The following IFNGR1 variants were observed in gnomAD, a reference collection of about 807,000 sequenced individuals.
The protein encoded by IFNGR1 is interferon gamma receptor 1.
In IFNGR1, 23 loss-of-function variants were observed where a neutral mutation model predicts 35.4. That is an observed-to-expected ratio of 0.65 (90% CI 0.47 to 0.92). The LOEUF (loss-of-function observed/expected upper bound fraction) is 0.92. Among genes scored for constraint, IFNGR1 ranks in the 40% least tolerant of loss-of-function variants. IFNGR1 has a pLI of 0.00. For synonymous variants in IFNGR1, 199 were observed against 209.5 expected (o/e 0.95, Z 0.43); for missense variants, 533 against 583.4 (o/e 0.91, Z 0.89).
intron 1 of IFNGR1, chr6:137,215,180 G>A: frequency 6.7e-7 from 1 of 1,496,822 alleles, no homozygotes. Context: ...TACGTAACTT[G>A]ACAATATGCA....
intron 1 of IFNGR1, among the ~76,000 whole-genome samples, chr6:137,210,729 T>C (rs17181520): frequency 2.2e-4 from 34 of 152,322 alleles, no homozygotes; most frequent in Non-Finnish European, 4.6e-4. Context: ...TTGGGTTCTT[T>C]CTTGGCCACA....
chr6:137,202,730 T>C (rs915444677), intron 5 of IFNGR1, among the ~76,000 whole-genome samples: 1 of 152,158 alleles, frequency 6.6e-6, no homozygotes, highest in African/African-American at 2.4e-5. Context: ...ATCATGTCTA[T>C]GTAGAAAAAC....
At chr6:137,203,055 GA>G (rs1257336014) in intron 5 of IFNGR1, among the ~76,000 whole-genome samples, 1 of 151,828 alleles carries the variant, frequency 6.6e-6, no homozygotes, top group Non-Finnish European at 1.5e-5. Flanking sequence ...AACTTTTTTG[GA>G]TATTAATCTC....
At chr6:137,217,817 T>A (rs186302104) in intron 1 of IFNGR1, among the ~76,000 whole-genome samples, 160 of 152,300 alleles carry the variant, frequency 1.1e-3, no homozygotes, top group African/African-American at 3.8e-3. Flanking sequence ...ACCTAACCTA[T>A]CTCCTCCCCT....
intron 6 of IFNGR1, among the ~76,000 whole-genome samples, 187 bp from the exon 7 acceptor site, chr6:137,198,826 T>G (rs1562282675): frequency 6.6e-6 from 1 of 152,194 alleles, no homozygotes; most frequent in East Asian, 1.9e-4. Flanking sequence ...TTTAGAATTT[T>G]TAAAAAGCCA....
Position 137,198,204 on chromosome 6 carries a change from T to C in IFNGR1, c.1297A>G (p.Asn433Asp), listed in dbSNP as rs1326638645. 2 of 1,613,968 alleles carry C rather than the reference T, an allele frequency of 1.2e-6. No homozygotes were observed. The highest frequency in any genetic ancestry group is 1.7e-6 in the Non-Finnish European group (2 of 1,180,012). ...SSLSDSEFPP[N>D]NKGEIKTEGQ... Reference sequence around the variant, plus strand: ...TCTGTTTTTATTTCACCTTTATTATTTGGGGGAAATTCTGAGTCAGATAAG... The same window carrying C: ...TCTGTTTTTATTTCACCTTTATTATCTGGGGGAAATTCTGAGTCAGATAAG... The change falls in exon 7 of 7, where the codon AAT becomes GAT. Residue 433 changes from asparagine (N) to aspartate (D), a missense_variant. Transcript: ENST00000367739.
chr6:137,217,439 A>G (rs1384178343), intron 1 of IFNGR1, among the ~76,000 whole-genome samples: 1 of 152,028 alleles, frequency 6.6e-6, no homozygotes, highest in Non-Finnish European at 1.5e-5. Flanking sequence ...ACCCAACCCA[A>G]CCCTCTACGA....
At chr6:137,206,679 TAA>T in intron 2 of IFNGR1, 1 of 429,330 alleles carries the variant, frequency 2.3e-6, no homozygotes, top group South Asian at 3.8e-5. Flanking sequence ...ATTGTTCTAC[TAA>T]AAATACACTA....
intron 6 of IFNGR1, 126 bp downstream of exon 6, chr6:137,200,755 A>C: frequency 1.2e-6 from 1 of 810,382 alleles, no homozygotes; most frequent in Non-Finnish European, 1.9e-6. Flanking sequence ...TGTGTGGTAG[A>C]CTGACTGATT....
chr6:137,210,085 C>T (rs1582640820), intron 1 of IFNGR1: 1 of 374,918 alleles, frequency 2.7e-6, no homozygotes, highest in Non-Finnish European at 4.7e-6. Flanking sequence ...GTGCGGTGGC[C>T]CACACCTGTA....
At chr6:137,210,894 T>C (rs1416353387) in intron 1 of IFNGR1, among the ~76,000 whole-genome samples, 1 of 152,242 alleles carries the variant, frequency 6.6e-6, no homozygotes, top group East Asian at 1.9e-4. Flanking sequence ...TTTACAATTA[T>C]TTAACACATA....
intron 4 of IFNGR1, 49 bp from the exon 5 acceptor site, chr6:137,203,734 A>G (rs969819768): frequency 5.4e-5 from 22 of 407,288 alleles, no homozygotes; most frequent in Middle Eastern, 5.9e-4. Context: ...TTTTAATCTG[A>G]AAAAAAAAAA....
rs896530216 is a variant in IFNGR1, at chr6:137,204,655, T to C, written c.374-151A>G. 13 of 701,742 alleles carry C rather than the reference T, an allele frequency of 1.9e-5. No homozygotes were observed. The African/African-American group carries it at 2.3e-4, about 12-fold the overall frequency. 43.5% of individuals were successfully genotyped at this position (701,742 alleles called of 1,614,324 possible). A position where few individuals can be genotyped will look rare whatever the true frequency, so the allele number is the denominator to read the frequency against. ...ACATTTAAACCACTCCACAAATATC[T>C]AGAAGATAGTCTCGGGGTCCTTAAT... On this transcript the variant is annotated intron_variant, in intron 3 of 6. Coordinates refer to ENST00000367739, the MANE Select transcript of IFNGR1 (RefSeq NM_000416.3).
At chr6:137,208,338 A>G (rs1234407693) in intron 1 of IFNGR1, among the ~76,000 whole-genome samples, 2 of 152,248 alleles carry the variant, frequency 1.3e-5, no homozygotes, top group East Asian at 1.9e-4. Context: ...AGAAATGTGC[A>G]TAAGTAGCAA....
chr6:137,212,059 T>C (rs17175294), intron 1 of IFNGR1, among the ~76,000 whole-genome samples: 4,894 of 152,194 alleles, frequency 0.032, 307 homozygotes, highest in African/African-American at 0.11. Flanking sequence ...CCTGTTACTA[T>C]AAGACGCAAG....
chr6:137,212,181 A>T (rs1779590649), intron 1 of IFNGR1, among the ~76,000 whole-genome samples: 1 of 152,200 alleles, frequency 6.6e-6, no homozygotes, highest in Non-Finnish European at 1.5e-5. Flanking sequence ...AGTGTCACTC[A>T]GCTTTCTGCC....
Position 137,207,080 on chromosome 6 carries a change from G to A in IFNGR1, c.86-3C>T. On this transcript the variant is annotated splice_polypyrimidine_tract_variant and splice_region_variant and intron_variant, in intron 1 of 6. Coordinates refer to ENST00000367739, the MANE Select transcript of IFNGR1 (RefSeq NM_000416.3). ...TGTAACATTAGTTGGTGTAGGCACT[G>A]TAAGAAAATAAAAAAGTAAAAGGGA... 1 of 1,613,650 alleles carries A rather than the reference G, an allele frequency of 6.2e-7. No homozygotes were observed. The highest frequency in any genetic ancestry group is 8.5e-7 in the Non-Finnish European group (1 of 1,179,770).
rs751896065 is a variant in IFNGR1, at chr6:137,219,341, G to A, written c.-14C>T. 1.3e-6 allele frequency: 2 copies of A among 1,596,318 alleles called. No individual in the cohort carries two copies. Among genetic ancestry groups the A allele is most frequent in the South Asian group, 1.1e-5 (1 of 88,064 alleles). On this transcript the variant is annotated 5_prime_UTR_variant, in exon 1 of 7. Coordinates refer to ENST00000367739, the MANE Select transcript of IFNGR1 (RefSeq NM_000416.3). ...GAGGAGAGCCATGCTGCTACCGACG[G>A]TCGCTGGCTCCAACCCCGAGCGCCT...
chr6:137,204,612 T>A, intron 3 of IFNGR1, 108 bp from the exon 4 acceptor site: 1 of 968,026 alleles, frequency 1.0e-6, no homozygotes, highest in Non-Finnish European at 1.6e-6. Context: ...TTTGTTCTGG[T>A]TGTTCTAAAG....
Sources: gnomAD v4.1 joint callset for allele counts (sites outside exome capture counted in the v4.1 genomes callset) on GRCh38, gnomAD v4.1.1 for gene constraint, MANE v1.5 for transcripts, NCBI Gene and HGNC (gene_info 2026-07-23, HGNC 2026-07-21) for gene names.